APOBEC3D: variants seen among roughly 807,000 people sequenced by gnomAD.
The protein encoded by APOBEC3D is apolipoprotein B mRNA editing enzyme catalytic subunit 3D.
Under a neutral mutation model 45.6 loss-of-function variants are expected in APOBEC3D, and 37 were observed. The ratio of observed to expected loss-of-function variants is 0.81; its 90% CI spans 0.62 to 1.07. The LOEUF is 1.07. Ranked by LOEUF, APOBEC3D falls within the 50% of genes least tolerant of loss-of-function variation. The pLI, the probability that APOBEC3D is intolerant of heterozygous loss-of-function variation, is 0.00. For missense variants in APOBEC3D, 496 were observed against 495.3 expected (o/e 1.00, Z -0.01); for synonymous variants, 175 against 180.7 (o/e 0.97, Z 0.25).
In APOBEC3D at chr22:39,023,023, C is replaced by T; in HGVS notation, c.210+9C>T. 6.4e-7 allele frequency: 1 copy of T among 1,569,810 alleles called. No homozygotes were observed. The highest frequency in any genetic ancestry group is 1.2e-5 in the South Asian group (1 of 85,154). ...CGAATCACAGGCAGGAGGTAAGCAG[C>T]TGGGAATGCAGAAAACACATAAGTA... On this transcript the variant is annotated intron_variant, in intron 2 of 6. Coordinates refer to ENST00000216099, the MANE Select transcript of APOBEC3D (RefSeq NM_152426.4).
Position 39,023,054 on chromosome 22 carries a change from T to C in APOBEC3D, c.210+40T>C, listed in dbSNP as rs1603275534. ...ATGCAGAAAACACATAAGTAAAATGTCTGGCGGCGGGCTCTCAACTGTGTA... is the reference window on the plus strand; with the variant it reads ...ATGCAGAAAACACATAAGTAAAATGCCTGGCGGCGGGCTCTCAACTGTGTA... On this transcript the variant is annotated intron_variant, in intron 2 of 6. Transcript: ENST00000216099. 2.7e-6 allele frequency: 4 copies of C among 1,481,410 alleles called. No individual in the cohort carries two copies. The African/African-American group carries it at 4.3e-5, about 16-fold the overall frequency. 91.8% of individuals were successfully genotyped at this position (1,481,410 alleles called of 1,614,324 possible).
Position 39,029,450 on chromosome 22 carries a change from G to A in APOBEC3D, c.693G>A (p.Leu231=). Residue 231 remains leucine, a synonymous_variant, in exon 5 of 7, where the codon CTG becomes CTA. Coordinates refer to ENST00000216099, the MANE Select transcript of APOBEC3D (RefSeq NM_152426.4). ...LKACGRNESW[L]CFTMEVTKHH... is the part of the protein sequence containing the mutation. ...CCTGTGGTCGGAACGAAAGCTGGCT[G>A]TGCTTCACCATGGAAGTTACAAAGC... 1 of 1,614,166 alleles carries A rather than the reference G, an allele frequency of 6.2e-7. No homozygotes were observed. Among genetic ancestry groups the A allele is most frequent in the South Asian group, 1.1e-5 (1 of 91,084 alleles).
chr22:39,029,571 C>T (rs1170331470), intron 5 of APOBEC3D, 52 bp downstream of exon 5: 10 of 1,604,356 alleles, frequency 6.2e-6, no homozygotes, highest in African/African-American at 1.3e-5. Flanking sequence ...CAGCTGGGAA[C>T]GCAGAAAACA....
At chr22:39,024,989 G>A (rs898482927) in intron 2 of APOBEC3D, 81 bp from the exon 3 acceptor site, 3 of 896,298 alleles carry the variant, frequency 3.3e-6, no homozygotes, top group Non-Finnish European at 4.9e-6. Context: ...CTCCTGTCCT[G>A]GCCCCTCCTC....
At chr22:39,024,175 G>A (rs1436234751) in intron 2 of APOBEC3D, among the ~76,000 whole-genome samples, 1 of 152,220 alleles carries the variant, frequency 6.6e-6, no homozygotes, top group Non-Finnish European at 1.5e-5. Context: ...AATTCTTCGC[G>A]AGATAGTGAA....
At position 39,033,165 on chromosome 22, in the gene APOBEC3D, TGA is replaced by T; in HGVS notation, c.*852_*853del. 2.9e-6 allele frequency: 2 copies of T among 693,368 alleles called. No individual in the cohort carries two copies. The highest frequency in any genetic ancestry group is 3.5e-6 in the Non-Finnish European group (2 of 563,434). The allele number at this position is 693,368 out of a possible 1,614,324, so 43.0% of individuals were successfully genotyped here. On this transcript the variant is annotated 3_prime_UTR_variant, in exon 7 of 7. Transcript: ENST00000216099. ...CGGGGAGGTGGAGGCTGGAGTAAACTGAGATCGCGCCACAGAACTCCAGTTTG... is the reference window on the plus strand; with the variant it reads ...CGGGGAGGTGGAGGCTGGAGTAAACTGATCGCGCCACAGAACTCCAGTTTG...
chr22:39,032,271 C>T lies in APOBEC3D; in HGVS notation c.1116C>T (p.Thr372=). 6.2e-7 allele frequency: 1 copy of T among 1,614,192 alleles called. No individual in the cohort carries two copies. Among genetic ancestry groups the T allele is most frequent in the Non-Finnish European group, 8.5e-7 (1 of 1,180,020 alleles). The change falls in exon 7 of 7, where the codon ACC becomes ACT. Residue 372 remains threonine, a synonymous_variant. Coordinates refer to ENST00000216099, the MANE Select transcript of APOBEC3D (RefSeq NM_152426.4). ...EPFKPWKGLQ[T]NFRLLKRRLR... ...TCAAGCCTTGGAAGGGACTACAAACCAACTTTCGACTTCTGAAAAGAAGGC... is the reference window on the plus strand; with the variant it reads ...TCAAGCCTTGGAAGGGACTACAAACTAACTTTCGACTTCTGAAAAGAAGGC...
chr22:39,031,660 A>G (rs765203656), intron 5 of APOBEC3D, 34 bp from the exon 6 acceptor site: 1 of 1,609,518 alleles, frequency 6.2e-7, no homozygotes, highest in Non-Finnish European at 8.5e-7. Context: ...TCCTGGTCTG[A>G]GCTCCCCCTG....
chr22:39,031,414 A>C (rs1926201503), intron 5 of APOBEC3D, among the ~76,000 whole-genome samples: 1 of 152,106 alleles, frequency 6.6e-6, no homozygotes, highest in African/African-American at 2.4e-5. Context: ...CAAAAATTAC[A>C]AAAAAATTAG....
At position 39,021,360 on chromosome 22, in the gene APOBEC3D, C is replaced by T; in HGVS notation, c.-160C>T. On this transcript the variant is annotated 5_prime_UTR_variant, in exon 1 of 7. Transcript: ENST00000216099. ...TGACCTCGTGATCCGCCCGCCTCGG[C>T]CTCCCAAAGTGCTGGGATTACAGGC... 2.2e-6 allele frequency: 2 copies of T among 892,674 alleles called. No individual in the cohort carries two copies. The highest frequency in any genetic ancestry group is 2.8e-5 in the East Asian group (1 of 35,524). The allele number at this position is 892,674 out of a possible 1,614,324, so 55.3% of individuals were successfully genotyped here. A position where few individuals can be genotyped will look rare whatever the true frequency, so the allele number is the denominator to read the frequency against.
intron 5 of APOBEC3D, 45 bp from the exon 6 acceptor site, chr22:39,031,649 C>T (rs368707541): frequency 1.2e-6 from 2 of 1,606,952 alleles, no homozygotes; most frequent in Non-Finnish European, 1.7e-6. Context: ...ACTCCTCCTG[C>T]TCCTGGTCTG....
At chr22:39,023,448 T>TC (rs1274769080) in intron 2 of APOBEC3D, among the ~76,000 whole-genome samples, 1 of 129,354 alleles carries the variant, frequency 7.7e-6, no homozygotes, top group Admixed American at 8.4e-5. Context: ...TTTCTTTCTT[T>TC]CTTTTTTTTT....
At chr22:39,025,437 CA>C (rs1481076457) in intron 3 of APOBEC3D, 88 bp downstream of exon 3, 1 of 1,613,218 alleles carries the variant, frequency 6.2e-7, no homozygotes, top group Non-Finnish European at 8.5e-7. Flanking sequence ...GGGGGTGTTC[CA>C]GGGCAGCCTG....
At chr22:39,027,717 C>A (rs563200597) in intron 4 of APOBEC3D, among the ~76,000 whole-genome samples, 6 of 152,188 alleles carry the variant, frequency 3.9e-5, no homozygotes, top group Non-Finnish European at 2.9e-5. Context: ...TGGGCCTCAG[C>A]CCTGGCCTCC....
At chr22:39,027,267 G>A (rs975062053) in intron 4 of APOBEC3D, among the ~76,000 whole-genome samples, 6 of 152,078 alleles carry the variant, frequency 3.9e-5, no homozygotes, top group Admixed American at 1.3e-4. Flanking sequence ...GTGGGGGCAC[G>A]CATGGCATCC....
chr22:39,031,782 T>C lies in APOBEC3D; in HGVS notation c.851T>C (p.Val284Ala), dbSNP rs754353339. Residue 284 changes from valine (V) to alanine (A), a missense_variant, in exon 6 of 7, where the codon GTC becomes GCC. Physicochemically the swap from Val to Ala is moderately conservative, Grantham distance 64. Transcript: ENST00000216099. ...CTGTCTCCTAACACAAACTACGAGG[T>C]CACCTGGTACACATCTTGGAGCCCT... ...DILSPNTNYE[V>A]TWYTSWSPCP... The C allele has an allele frequency of 2.5e-6, 4 of 1,613,952 alleles. No individual in the cohort carries two copies. Among genetic ancestry groups the C allele is most frequent in the Non-Finnish European group, 2.5e-6 (3 of 1,179,924 alleles).
chr22:39,030,747 C>T (rs1264064050), intron 5 of APOBEC3D, among the ~76,000 whole-genome samples: 1 of 152,108 alleles, frequency 6.6e-6, no homozygotes, highest in Non-Finnish European at 1.5e-5. Context: ...CCCATAGGAC[C>T]AGGCCACAGC....
chr22:39,030,893 C>G (rs534569734), intron 5 of APOBEC3D, among the ~76,000 whole-genome samples: 1 of 152,168 alleles, frequency 6.6e-6, no homozygotes, highest in Non-Finnish European at 1.5e-5. Context: ...CACGCCTGTA[C>G]GCAGTAGCTC....
Position 39,021,452 on chromosome 22 carries a change from C to T in APOBEC3D, c.-68C>T, listed in dbSNP as rs911668203. On this transcript the variant is annotated 5_prime_UTR_variant, in exon 1 of 7. Coordinates refer to ENST00000216099, the MANE Select transcript of APOBEC3D (RefSeq NM_152426.4). ...CTGTCCAACTGCAAGGAGCCGCAAG[C>T]AGGAAGTGAAACCACAGCACTTCAA... 1.9e-6 allele frequency: 3 copies of T among 1,609,894 alleles called. No individual in the cohort carries two copies. The highest frequency in any genetic ancestry group is 2.7e-5 in the African/African-American group (2 of 74,810).
Sources: gnomAD v4.1 joint callset for allele counts (sites outside exome capture counted in the v4.1 genomes callset) on GRCh38, gnomAD v4.1.1 for gene constraint, MANE v1.5 for transcripts, NCBI Gene and HGNC (gene_info 2026-07-23, HGNC 2026-07-21) for gene names.